The following TRIM67 variants were observed in gnomAD, a reference collection of about 807,000 sequenced individuals.
TRIM67 encodes the protein tripartite motif containing 67.
Under a neutral mutation model 71.0 loss-of-function variants are expected in TRIM67, and 39 were observed. The observed-to-expected ratio is 0.55, with a 90% CI of 0.43 to 0.72. The LOEUF is 0.72. TRIM67 is among the 30% of genes least tolerant of loss of function. The pLI is 0.00. For synonymous variants in TRIM67, 481 were observed against 473.9 expected (o/e 1.01, Z -0.19); for missense variants, 973 against 1,079.2 (o/e 0.90, Z 1.38).
intron 1 of TRIM67, chr1:231,187,643 C>A (rs927113778): frequency 2.3e-6 from 3 of 1,327,816 alleles, no homozygotes; most frequent in Non-Finnish European, 2.1e-6. Context: ...ATACACGCCC[C>A]ATCTCTACTG....
At chr1:231,184,539 G>A (rs184056003) in intron 1 of TRIM67, 1 of 158,556 alleles carries the variant, frequency 6.3e-6, no homozygotes, top group East Asian at 1.9e-4. Flanking sequence ...CTCTCTCAGG[G>A]TTCACACAGG....
chr1:231,168,871 GAAGTGTTTCGT>G (rs1391071588), intron 1 of TRIM67, among the ~76,000 whole-genome samples: 1 of 152,198 alleles, frequency 6.6e-6, no homozygotes, highest in Non-Finnish European at 1.5e-5. Context: ...TAGGTAGGGA[GAAGTGTTTCGT>G]AAAAACTTTC....
At position 231,162,986 on chromosome 1, in the gene TRIM67, A is replaced by G. The variant is rs796929428; in HGVS notation, c.17A>G (p.Lys6Arg). 1.2e-6 allele frequency: 2 copies of G among 1,612,464 alleles called. No homozygotes were observed. Among genetic ancestry groups the G allele is most frequent in the African/African-American group, 2.7e-5 (2 of 74,962 alleles). ...GGCGCCGCGATGGAGGAAGAGCTGAAGTGTCCCGTGTGCGGCTCTCTGTTT... is the reference window on the plus strand; with the variant it reads ...GGCGCCGCGATGGAGGAAGAGCTGAGGTGTCCCGTGTGCGGCTCTCTGTTT... MEEEL[K>R]CPVCGSLFRE... is the part of the protein sequence containing the mutation. Residue 6 changes from lysine (K) to arginine (R), a missense_variant, in exon 1 of 10, where the codon AAG (lysine) becomes AGG (arginine). Around this residue, in one of 2 missense-constraint regions of TRIM67, gnomAD observed 795 missense variants for 831.3 expected, o/e 0.96. Coordinates refer to ENST00000366653, the MANE Select transcript of TRIM67 (RefSeq NM_001004342.5).
intron 1 of TRIM67, 81 bp from the exon 2 acceptor site, chr1:231,197,290 C>A: frequency 1.7e-6 from 2 of 1,203,454 alleles, no homozygotes; most frequent in Non-Finnish European, 2.4e-6. Flanking sequence ...CTCTTATAAA[C>A]ATAAGCTTTT....
intron 4 of TRIM67, among the ~76,000 whole-genome samples, chr1:231,200,503 C>T (rs769341373): frequency 2.6e-5 from 4 of 152,234 alleles, no homozygotes; most frequent in Admixed American, 6.5e-5. Context: ...AAATGCCTCA[C>T]TGCAACATTT....
intron 5 of TRIM67, among the ~76,000 whole-genome samples, chr1:231,202,542 G>A (rs910971340): frequency 7.9e-5 from 12 of 152,222 alleles, no homozygotes; most frequent in East Asian, 7.7e-4. Flanking sequence ...GGCCAGAACC[G>A]GAGTCCTACT....
intron 1 of TRIM67, among the ~76,000 whole-genome samples, chr1:231,192,494 A>C (rs1358427753): frequency 1.3e-5 from 2 of 152,304 alleles, no homozygotes; most frequent in East Asian, 3.9e-4. Flanking sequence ...TCTCTTAAAA[A>C]AAAAATCGTT....
At chr1:231,176,770 T>G (rs966528929) in intron 1 of TRIM67, among the ~76,000 whole-genome samples, 1 of 152,104 alleles carries the variant, frequency 6.6e-6, no homozygotes, top group Admixed American at 6.6e-5. Flanking sequence ...AGGGGACATC[T>G]AACTTGACAG....
At position 231,221,268 on chromosome 1, in the gene TRIM67, C is replaced by A. The variant is rs572906991; in HGVS notation, c.*5828C>A. ...CCCCATTTCTCCTCCCTCCCCTTCC[C>A]CCATCACATCCACTTTCGGTCACTC... On this transcript the variant is annotated 3_prime_UTR_variant, in exon 10 of 10. Transcript: ENST00000366653. 2.6e-5 allele frequency: 4 copies of A among 152,754 alleles called. No individual in the cohort carries two copies. The South Asian group carries it at 8.3e-4, about 32-fold the overall frequency. The allele number at this position is 152,754 out of a possible 1,614,324, so 9.5% of individuals were successfully genotyped here. A position where few individuals can be genotyped will look rare whatever the true frequency, so the allele number is the denominator to read the frequency against.
Position 231,191,148 on chromosome 1 carries a change from C to G in TRIM67, c.1045-6223C>G, listed in dbSNP as rs112957363. ...GTACAATCAAAGCTCAGTGCAGCCT[C>G]AAACTTCTGAGCTCAAGCAATCCTT... On this transcript the variant is annotated intron_variant, in intron 1 of 9. Transcript: ENST00000366653. 1.1e-3 allele frequency among the ~76,000 whole-genome samples: 161 copies of G among 152,344 alleles called. 2 individuals are homozygous for G. The highest frequency in any genetic ancestry group is 3.8e-3 in the African/African-American group (160 of 41,564).
Position 231,201,342 on chromosome 1 carries a change from T to A in TRIM67, c.1375-16T>A. 2 of 1,608,116 alleles carry A rather than the reference T, an allele frequency of 1.2e-6. No homozygotes were observed. Among genetic ancestry groups the A allele is most frequent in the Non-Finnish European group, 1.7e-6 (2 of 1,177,140 alleles). ...CTTTGCAAAGCAAAACCTTAAACTC[T>A]TTGCTCCCCTTTAAGATCTCAGATG... On this transcript the variant is annotated splice_polypyrimidine_tract_variant and intron_variant, in intron 4 of 9. Transcript: ENST00000366653.
intron 1 of TRIM67, among the ~76,000 whole-genome samples, chr1:231,180,610 G>A (rs1425739516): frequency 1.3e-5 from 2 of 152,174 alleles, no homozygotes; most frequent in Non-Finnish European, 1.5e-5. Flanking sequence ...GGTGATGGTG[G>A]AGGAGGAGTT....
In TRIM67 at chr1:231,178,524, A is replaced by G. The variant is rs1682814885; in HGVS notation, c.1044+14511A>G. ...AAGGAGGGAATTGCTTTCCTGTCCAAGGCTGGGCACAAAACAATCTTAGTG... is the reference window on the plus strand; with the variant it reads ...AAGGAGGGAATTGCTTTCCTGTCCAGGGCTGGGCACAAAACAATCTTAGTG... On this transcript the variant is annotated intron_variant, in intron 1 of 9. Transcript: ENST00000366653. Among the ~76,000 whole-genome samples, 3 of 152,240 alleles carry G rather than the reference A, an allele frequency of 2.0e-5. 1 individual carries two copies. Among genetic ancestry groups the G allele is most frequent in the African/African-American group, 7.2e-5 (3 of 41,466 alleles).
chr1:231,180,793 C>A (rs551236432), intron 1 of TRIM67, among the ~76,000 whole-genome samples: 3 of 152,174 alleles, frequency 2.0e-5, no homozygotes, highest in African/African-American at 7.2e-5. Flanking sequence ...TGTCTGAATG[C>A]GGAGGCCATG....
intron 1 of TRIM67, among the ~76,000 whole-genome samples, chr1:231,190,120 T>C (rs976736519): frequency 6.6e-6 from 1 of 152,184 alleles, no homozygotes; most frequent in African/African-American, 2.4e-5. Context: ...TAGGAACCCA[T>C]GACAGAGTGA....
At chr1:231,192,360 C>G (rs1359740308) in intron 1 of TRIM67, among the ~76,000 whole-genome samples, 1 of 152,004 alleles carries the variant, frequency 6.6e-6, no homozygotes, top group East Asian at 1.9e-4. Flanking sequence ...ACTATATTAC[C>G]CAGTCTGGTC....
At chr1:231,201,554 T>C in intron 5 of TRIM67, 37 bp downstream of exon 5, 3 of 1,602,656 alleles carry the variant, frequency 1.9e-6, no homozygotes, top group Non-Finnish European at 2.6e-6. Context: ...TCAGTGCTTC[T>C]TTCAAAAGAG....
At position 231,208,974 on chromosome 1, in the gene TRIM67, C is replaced by G. The variant is rs1029022619; in HGVS notation, c.1847C>G (p.Ser616Cys). ...GCCTGGTTCACATTTGACCCCAACT[C>G]TGGGCATCGGGACATCATTTTATCC... ...DVAWFTFDPN[S>C]GHRDIILSND... The change falls in exon 8 of 10, where the codon TCT (serine) becomes TGT (cysteine). Residue 616 changes from serine to cysteine, a missense_variant. Ser to Cys is a moderately radical substitution (Grantham distance 112). This residue lies in a region of TRIM67 where 178 missense variants were observed against 247.9 expected (regional missense o/e 0.72). Coordinates refer to ENST00000366653, the MANE Select transcript of TRIM67 (RefSeq NM_001004342.5). 6.3e-6 allele frequency: 10 copies of G among 1,597,904 alleles called. No homozygotes were observed. Among genetic ancestry groups the G allele is most frequent in the Non-Finnish European group, 8.6e-6 (10 of 1,168,122 alleles).
intron 1 of TRIM67, among the ~76,000 whole-genome samples, chr1:231,178,250 T>A (rs1682807402): frequency 6.6e-6 from 1 of 152,186 alleles, no homozygotes; most frequent in South Asian, 2.1e-4. Context: ...ACACTCTGAG[T>A]GTAAGTTTAC....
Sources: allele counts gnomAD v4.1 joint callset (sites outside exome capture counted in the v4.1 genomes callset), GRCh38; gene constraint gnomAD v4.1.1; regional missense constraint gnomAD v4.1.1; transcripts MANE v1.5; gene names NCBI Gene and HGNC (gene_info 2026-07-23, HGNC 2026-07-21).